PHF14: variants seen among roughly 807,000 people sequenced by gnomAD.
PHF14 encodes PHD finger protein 14.
A neutral mutation model predicts 117.9 loss-of-function variants in PHF14; 55 were observed. The ratio of observed to expected loss-of-function variants is 0.47; its 90% CI spans 0.38 to 0.58. The LOEUF is 0.58. PHF14 is among the 20% of genes least tolerant of loss of function. The pLI is 0.00. For missense variants in PHF14, 978 were observed against 1,122.2 expected (o/e 0.87, Z 1.84); for synonymous variants, 409 against 368.6 (o/e 1.11, Z -1.26).
chr7:11,151,273 A>G (rs527244344), intron 17 of PHF14, among the ~76,000 whole-genome samples: 4 of 152,150 alleles, frequency 2.6e-5, no homozygotes, highest in Non-Finnish European at 5.9e-5. Flanking sequence ...TTATAACTTC[A>G]GGCCAGGCAC....
intron 16 of PHF14, chr7:11,106,775 A>G (rs1157150723): frequency 5.1e-6 from 5 of 984,388 alleles, no homozygotes; most frequent in Middle Eastern, 5.2e-4. Context: ...TTACACAGAA[A>G]TGAAAAAGTT....
intron 17 of PHF14, among the ~76,000 whole-genome samples, chr7:11,147,355 C>A (rs951443766): frequency 6.6e-6 from 1 of 152,056 alleles, no homozygotes; most frequent in African/African-American, 2.4e-5. Flanking sequence ...CATTATGATT[C>A]GAAGATGGCT....
At chr7:11,092,196 A>G (rs1201191420) in intron 16 of PHF14, among the ~76,000 whole-genome samples, 2 of 151,992 alleles carry the variant, frequency 1.3e-5, no homozygotes, top group Non-Finnish European at 2.9e-5. Context: ...TCTGTTTTGT[A>G]TTTGCTTCTA....
intron 17 of PHF14, among the ~76,000 whole-genome samples, chr7:11,156,194 A>G (rs994780052): frequency 5.9e-5 from 9 of 152,232 alleles, no homozygotes; most frequent in Non-Finnish European, 1.0e-4. Flanking sequence ...AGTAAATCCA[A>G]GATGTGGAAA....
chr7:10,975,345 G>A (rs1781824330), intron 2 of PHF14, among the ~76,000 whole-genome samples: 1 of 152,130 alleles, frequency 6.6e-6, no homozygotes, highest in South Asian at 2.1e-4. Context: ...CAATCTCTTA[G>A]GGGAGTTTTG....
chr7:11,159,760 C>T (rs981348761), intron 17 of PHF14, among the ~76,000 whole-genome samples: 10 of 151,658 alleles, frequency 6.6e-5, no homozygotes, highest in Admixed American at 3.9e-4. Context: ...ATTAAAAGTT[C>T]GACTTAATTT....
intron 16 of PHF14, among the ~76,000 whole-genome samples, chr7:11,082,217 G>A (rs1583447845): frequency 1.3e-5 from 2 of 152,148 alleles, no homozygotes; most frequent in South Asian, 4.2e-4. Context: ...ATAGTGACAC[G>A]TGCCTATAGT....
chr7:11,095,432 G>T (rs1479922100), intron 16 of PHF14, among the ~76,000 whole-genome samples: 1 of 152,196 alleles, frequency 6.6e-6, no homozygotes, highest in African/African-American at 2.4e-5. Flanking sequence ...AGGATATGAT[G>T]GGTCTTTATT....
chr7:11,001,607 A>ATTTTG (rs1782878135), intron 4 of PHF14, among the ~76,000 whole-genome samples: 7 of 141,806 alleles, frequency 4.9e-5, no homozygotes, highest in African/African-American at 8.1e-5. Flanking sequence ...TCTTGGCAAT[A>ATTTTG]TTATTTTATT....
In PHF14 at chr7:10,974,858, C is replaced by G; in HGVS notation, c.25C>G (p.Gln9Glu). MDRSSKRR[Q>E]VKPLAASLLE... Reference sequence around the variant, plus strand: ...AGTGGATCGCAGCTCCAAGAGGAGGCAGGTGAAGCCTTTGGCAGCTTCTCT... The same window carrying G: ...AGTGGATCGCAGCTCCAAGAGGAGGGAGGTGAAGCCTTTGGCAGCTTCTCT... The change falls in exon 2 of 18, where the codon CAG becomes GAG. Residue 9 changes from glutamine (Q) to glutamate (E), a missense_variant. Physicochemically the swap from Gln to Glu is conservative, Grantham distance 29. Around this residue, in one of 7 missense-constraint regions of PHF14, gnomAD observed 414 missense variants for 376.4 expected, o/e 1.10. Transcript: ENST00000634607. 1 of 1,584,312 alleles carries G rather than the reference C, an allele frequency of 6.3e-7. No individual in the cohort carries two copies. The highest frequency in any genetic ancestry group is 8.6e-7 in the Non-Finnish European group (1 of 1,162,292).
chr7:11,004,304 C>T (rs957281814), intron 4 of PHF14, among the ~76,000 whole-genome samples: 4 of 147,694 alleles, frequency 2.7e-5, no homozygotes, highest in African/African-American at 9.9e-5. Context: ...ATAATCATAC[C>T]ACCTAGAGGT....
At chr7:10,993,190 T>C (rs1583339383) in intron 4 of PHF14, among the ~76,000 whole-genome samples, 1 of 152,212 alleles carries the variant, frequency 6.6e-6, no homozygotes, top group East Asian at 1.9e-4. Context: ...TTATCTGTGG[T>C]AAAGTTATTT....
At chr7:11,089,211 T>C (rs1271858094) in intron 16 of PHF14, among the ~76,000 whole-genome samples, 1 of 152,130 alleles carries the variant, frequency 6.6e-6, no homozygotes, top group Non-Finnish European at 1.5e-5. Flanking sequence ...GAAATAAACA[T>C]CAAATCTCTT....
chr7:11,079,909 A>G (rs1786018145), intron 16 of PHF14, among the ~76,000 whole-genome samples: 1 of 152,118 alleles, frequency 6.6e-6, no homozygotes, highest in Non-Finnish European at 1.5e-5. Flanking sequence ...CATAGAAATT[A>G]CCAATTGCAT....
At chr7:11,029,906 T>G (rs1460224644) in intron 7 of PHF14, among the ~76,000 whole-genome samples, 2 of 152,110 alleles carry the variant, frequency 1.3e-5, no homozygotes, top group African/African-American at 4.8e-5. Flanking sequence ...GATTTTATCT[T>G]AGTACATTTA....
In PHF14 at chr7:10,973,995, T is replaced by A. The variant is rs1231452073; in HGVS notation, c.-329T>A. 3.4e-6 allele frequency: 1 copy of A among 290,862 alleles called. No individual in the cohort carries two copies. 18.0% of individuals were successfully genotyped at this position (290,862 alleles called of 1,614,324 possible). On this transcript the variant is annotated 5_prime_UTR_variant, in exon 1 of 18. Coordinates refer to ENST00000634607, the MANE Select transcript of PHF14 (RefSeq NM_001007157.2). ...CCAGGCTAATAAAGTTTTTCTTTCTTTAATTTTTTTTCTTCTAGTTTTAAC... is the reference window on the plus strand; with the variant it reads ...CCAGGCTAATAAAGTTTTTCTTTCTATAATTTTTTTTCTTCTAGTTTTAAC...
At chr7:11,129,031 A>G (rs1054649022) in intron 17 of PHF14, among the ~76,000 whole-genome samples, 5 of 152,028 alleles carry the variant, frequency 3.3e-5, no homozygotes, top group Admixed American at 2.6e-4. Flanking sequence ...CTCTTACAAC[A>G]GAGGATATTT....
intron 11 of PHF14, among the ~76,000 whole-genome samples, 175 bp from the exon 12 acceptor site, chr7:11,040,497 A>G (rs965412771): frequency 6.6e-6 from 1 of 152,062 alleles, no homozygotes; most frequent in African/African-American, 2.4e-5. Context: ...TTCTAATGGA[A>G]ATAACTATTA....
At chr7:10,984,765 G>A (rs1182533696) in intron 3 of PHF14, among the ~76,000 whole-genome samples, 2 of 152,130 alleles carry the variant, frequency 1.3e-5, no homozygotes. Context: ...CATAAATACT[G>A]CCTAAGAGGT....
Sources: allele counts gnomAD v4.1 joint callset (sites outside exome capture counted in the v4.1 genomes callset), GRCh38; gene constraint gnomAD v4.1.1; regional missense constraint gnomAD v4.1.1; transcripts MANE v1.5; gene names NCBI Gene and HGNC (gene_info 2026-07-23, HGNC 2026-07-21).